The following RGS6 variants were observed in gnomAD, a reference collection of about 807,000 sequenced individuals.
The protein encoded by RGS6 is regulator of G-protein signaling 6.
A neutral mutation model predicts 78.5 loss-of-function variants in RGS6; 30 were observed. The ratio of observed to expected loss-of-function variants is 0.38; its 90% CI spans 0.29 to 0.52. RGS6 has a LOEUF of 0.52. Ranked by LOEUF, RGS6 falls within the 20% of genes least tolerant of loss-of-function variation. The pLI is 0.85. For missense variants in RGS6, 495 were observed against 609.7 expected (o/e 0.81, Z 1.98); for synonymous variants, 206 against 206.0 (o/e 1.00, Z 0.00).
chr14:72,540,087 G>T lies in RGS6; in HGVS notation c.1415G>T (p.Arg472Leu). Residue 472 changes from arginine to leucine, a missense_variant, in exon 17 of 18, where the codon CGC (arginine) becomes CTC (leucine). By Grantham distance (102) the Arg-to-Leu change is moderately radical. Coordinates refer to ENST00000553525, the MANE Select transcript of RGS6 (RefSeq NM_001204424.2). ...GRRTSLEKFT[R>L]SVGKSLAGKR... ...AGAACTTCCCTAGAAAAGTTCACTCGCAGTGTGGTAAGTTCAGTCGGTTTT... is the reference window on the plus strand; with the variant it reads ...AGAACTTCCCTAGAAAAGTTCACTCTCAGTGTGGTAAGTTCAGTCGGTTTT... The T allele has an allele frequency of 6.3e-7, 1 of 1,588,058 alleles. No homozygotes were observed. Among genetic ancestry groups the T allele is most frequent in the Non-Finnish European group, 8.5e-7 (1 of 1,177,090 alleles).
intron 2 of RGS6, among the ~76,000 whole-genome samples, chr14:72,338,782 T>C (rs1915132): frequency 0.47 from 71,646 of 152,048 alleles, 17,189 homozygotes; most frequent in South Asian, 0.6. Flanking sequence ...AAAGAAGGTC[T>C]ATCACATGCT....
chr14:72,105,650 A>T, intron 2 of RGS6, among the ~76,000 whole-genome samples: 1 of 152,214 alleles, frequency 6.6e-6, no homozygotes. Context: ...ATTTGAACAT[A>T]AACCACATTT....
intron 3 of RGS6, among the ~76,000 whole-genome samples, chr14:72,409,182 A>G (rs1475019838): frequency 6.6e-6 from 1 of 152,234 alleles, no homozygotes; most frequent in East Asian, 1.9e-4. Context: ...CACTGTTAAA[A>G]GAAAAACACT....
At chr14:72,102,074 A>G (rs1597585578) in intron 2 of RGS6, among the ~76,000 whole-genome samples, 1 of 152,330 alleles carries the variant, frequency 6.6e-6, no homozygotes, top group Admixed American at 6.5e-5. Flanking sequence ...GATTTGGAAA[A>G]GGCAGTCCCA....
chr14:72,563,817 T>TTAAG lies in RGS6; in HGVS notation c.*1354_*1357dup, dbSNP rs1480743293. 1.3e-5 allele frequency: 2 copies of TTAAG among 152,180 alleles called. No individual in the cohort carries two copies. Among genetic ancestry groups the TTAAG allele is most frequent in the Admixed American group, 6.5e-5 (1 of 15,290 alleles). 9.4% of individuals were successfully genotyped at this position (152,180 alleles called of 1,614,324 possible). A position where few individuals can be genotyped will look rare whatever the true frequency, so the allele number is the denominator to read the frequency against. On this transcript the variant is annotated 3_prime_UTR_variant, in exon 18 of 18. Coordinates refer to ENST00000553525, the MANE Select transcript of RGS6 (RefSeq NM_001204424.2). ...CCATGAGCCCACAGACAGAGCTGTA[T>TTAAG]TAAGTAACCTGTTTTGAATCCAGAC... is the stretch of plus-strand genomic sequence containing the variant.
chr14:72,043,189 C>A (rs1477474551), intron 2 of RGS6, among the ~76,000 whole-genome samples: 1 of 151,892 alleles, frequency 6.6e-6, no homozygotes, highest in Non-Finnish European at 1.5e-5. Context: ...TCCCCTGATT[C>A]GTAGTCTGCA....
At chr14:71,922,321 C>T in the RGS6 span, among the ~76,000 whole-genome samples, 1 of 152,182 alleles carries the variant, frequency 6.6e-6, no homozygotes, top group African/African-American at 2.4e-5. Flanking sequence ...ATCAGTGTAA[C>T]CCAAGACAAA....
intron 2 of RGS6, among the ~76,000 whole-genome samples, chr14:72,299,284 C>A (rs2152392786): frequency 6.6e-6 from 1 of 152,316 alleles, no homozygotes; most frequent in Middle Eastern, 3.4e-3. Context: ...ACCCTATTTA[C>A]CCAGCCTTAG....
At chr14:71,890,354 A>AAGACAGAC in the RGS6 span, among the ~76,000 whole-genome samples, 3,045 of 82,600 alleles carry the variant, frequency 0.037, 140 homozygotes, top group African/African-American at 0.088. Flanking sequence ...GCGTGTGCAT[A>AAGACAGAC]AGACAGAGAG....
At chr14:72,017,726 T>C (rs1055858220) in intron 2 of RGS6, among the ~76,000 whole-genome samples, 2 of 152,304 alleles carry the variant, frequency 1.3e-5, no homozygotes, top group South Asian at 4.2e-4. Context: ...GTGCTGCTTC[T>C]GGGTTGGTTG....
intron 3 of RGS6, among the ~76,000 whole-genome samples, chr14:72,417,547 ACT>A (rs1347642212): frequency 2.0e-5 from 3 of 151,968 alleles, no homozygotes; most frequent in Non-Finnish European, 2.9e-5. Flanking sequence ...ACCCTCTGGC[ACT>A]CTCTATTGAC....
intron 14 of RGS6, among the ~76,000 whole-genome samples, chr14:72,512,210 C>T (rs2096887020): frequency 6.6e-6 from 1 of 152,212 alleles, no homozygotes; most frequent in Non-Finnish European, 1.5e-5. Context: ...GGACCCTCTG[C>T]TGCCTGCACT....
intron 1 of RGS6, among the ~76,000 whole-genome samples, chr14:71,963,654 A>G (rs77019931): frequency 0.02 from 3,097 of 152,328 alleles, 111 homozygotes; most frequent in African/African-American, 0.069. Flanking sequence ...TTCACTTAGC[A>G]TGTTTTCAAG....
intron 12 of RGS6, among the ~76,000 whole-genome samples, chr14:72,480,979 G>A (rs577039768): frequency 2.0e-5 from 3 of 152,300 alleles, no homozygotes; most frequent in African/African-American, 7.2e-5. Context: ...ACTAAAGGGT[G>A]CATCCAGACC....
chr14:71,971,983 G>A (rs950259384), intron 2 of RGS6, among the ~76,000 whole-genome samples: 4 of 138,650 alleles, frequency 2.9e-5, no homozygotes, highest in African/African-American at 1.1e-4. Context: ...AGTAGTCTTA[G>A]TGTTTTATAA....
intron 2 of RGS6, among the ~76,000 whole-genome samples, chr14:72,087,576 G>A (rs534570179): frequency 7.6e-4 from 115 of 151,516 alleles, no homozygotes; most frequent in Non-Finnish European, 9.3e-4. Context: ...AGAAATACGC[G>A]TATTATAGCT....
At chr14:72,381,554 C>T (rs1220332135) in intron 3 of RGS6, among the ~76,000 whole-genome samples, 1 of 152,048 alleles carries the variant, frequency 6.6e-6, no homozygotes, top group South Asian at 2.1e-4. Flanking sequence ...CTTTCATGTG[C>T]TCTGATAAAA....
At chr14:72,458,161 C>T in intron 4 of RGS6, 110 bp from the exon 5 acceptor site, 1 of 797,010 alleles carries the variant, frequency 1.3e-6, no homozygotes, top group Admixed American at 2.4e-5. Context: ...ATTGTATCAT[C>T]AACACAGACA....
chr14:72,297,513 C>T lies in RGS6; in HGVS notation c.85-54582C>T, dbSNP rs529183565. 8.2e-3 allele frequency among the ~76,000 whole-genome samples: 1,235 copies of T among 150,192 alleles called. 19 individuals are homozygous for T. Among genetic ancestry groups the T allele is most frequent in the African/African-American group, 0.029 (1,167 of 40,868 alleles). On this transcript the variant is annotated intron_variant, in intron 2 of 17. Transcript: ENST00000553525. ...TATGTATACATGTGCCATGCTGGTG[C>T]GCTGCACCCACTAACTCGTCATCTA...
Sources: gnomAD v4.1 joint callset for allele counts (sites outside exome capture counted in the v4.1 genomes callset) on GRCh38, gnomAD v4.1.1 for gene constraint, MANE v1.5 for transcripts, NCBI Gene and HGNC (gene_info 2026-07-23, HGNC 2026-07-21) for gene names.